Variants in NGEF observed in about 807,000 individuals in gnomAD.
NGEF encodes neuronal guanine nucleotide exchange factor.
Under a neutral mutation model 80.9 loss-of-function variants are expected in NGEF, and 31 were observed. The observed-to-expected ratio is 0.38, with a 90% confidence interval of 0.29 to 0.52. The LOEUF (loss-of-function observed/expected upper bound fraction) is 0.52. NGEF is among the 20% of genes least tolerant of loss of function. The probability of loss-of-function intolerance (pLI) is 0.84; values close to 1 mark genes in which losing one functional copy is unlikely to be tolerated. For synonymous variants in NGEF, 371 were observed against 370.2 expected, an observed-to-expected ratio of 1.00 and a Z score of -0.03; for missense variants, 709 against 926.2, an observed-to-expected ratio of 0.77 and a Z score of 3.04.
intron 1 of NGEF, among the ~76,000 whole-genome samples, chr2:233,005,174 C>T (rs1020773102): frequency 6.6e-6 from 1 of 152,170 alleles, no homozygotes; most frequent in African/African-American, 2.4e-5. Context: ...CCCCAATGTG[C>T]CATTTCTGGG....
At chr2:232,970,353 A>G (rs768831987) in intron 2 of NGEF, 25 bp from the exon 3 acceptor site, 1 of 1,457,958 alleles carries the variant, frequency 6.9e-7, no homozygotes, top group Non-Finnish European at 9.5e-7. Context: ...AAATGGAGCA[A>G]GTTAGAAGAT....
intron 3 of NGEF, among the ~76,000 whole-genome samples, chr2:232,968,296 C>T (rs1574643332): frequency 6.6e-6 from 1 of 151,932 alleles, no homozygotes; most frequent in Non-Finnish European, 1.5e-5. Flanking sequence ...CTATGTTGGT[C>T]AGGCTGGTCT....
intron 4 of NGEF, among the ~76,000 whole-genome samples, chr2:232,924,159 C>A (rs1083519): frequency 1.4e-4 from 22 of 151,802 alleles, no homozygotes; most frequent in African/African-American, 5.3e-4. Context: ...ATCACTTGAA[C>A]CCGGGAGGAG....
At chr2:232,885,555 G>T (rs1691651129) in intron 9 of NGEF, 186 bp from the exon 10 acceptor site, 2 of 589,366 alleles carry the variant, frequency 3.4e-6, no homozygotes, top group Non-Finnish European at 6.1e-6. Context: ...TGGGGCAAAG[G>T]CAAGTGGGAA....
chr2:232,934,940 G>A (rs1290335916), intron 3 of NGEF, among the ~76,000 whole-genome samples: 1 of 151,718 alleles, frequency 6.6e-6, no homozygotes, highest in Non-Finnish European at 1.5e-5. Flanking sequence ...CCCAGGAGGT[G>A]AAGGTTGAAG....
chr2:232,965,439 T>G (rs777202915), intron 3 of NGEF, among the ~76,000 whole-genome samples: 2 of 151,978 alleles, frequency 1.3e-5, no homozygotes, highest in Non-Finnish European at 2.9e-5. Flanking sequence ...GACACAGAGA[T>G]GTGGGCAAGA....
chr2:232,961,140 C>T (rs1344705124), intron 3 of NGEF, among the ~76,000 whole-genome samples: 1 of 152,190 alleles, frequency 6.6e-6, no homozygotes, highest in East Asian at 1.9e-4. Context: ...CCCACATCAG[C>T]ACCATCCCAC....
chr2:232,916,537 A>G (rs1692806674), intron 5 of NGEF, among the ~76,000 whole-genome samples: 1 of 152,276 alleles, frequency 6.6e-6, no homozygotes, highest in South Asian at 2.1e-4. Flanking sequence ...AGAACCCAAC[A>G]GAAAAGGGGG....
intron 1 of NGEF, among the ~76,000 whole-genome samples, chr2:232,977,898 A>G (rs1694328875): frequency 6.6e-6 from 1 of 152,120 alleles, no homozygotes; most frequent in Non-Finnish European, 1.5e-5. Context: ...TGGTTTTGAG[A>G]GCAGCGGACA....
Position 232,974,715 on chromosome 2 carries a change from A to G in NGEF, c.176T>C (p.Ile59Thr), listed in dbSNP as rs1453683468. The stretch of plus-strand genomic sequence containing the variant: ...GCGATTGAAGATGGAATTTCTCTTA[A>G]TTGGGATGTGGCAATGAGGCTCTTT... ...QDKEPHCHIP[I>T]KRNSIFNRSI... is the part of the protein sequence containing the mutation. Residue 59 changes from isoleucine (I) to threonine (T), a missense_variant, in exon 2 of 15, where the codon ATT becomes ACT. This residue lies in a region of NGEF where 283 missense variants were observed against 303.4 expected (regional missense o/e 0.93). Transcript: ENST00000264051. 3 of 1,614,084 alleles carry G rather than the reference A, an allele frequency of 1.9e-6. No homozygotes were observed. In the African/African-American group the frequency reaches 4.0e-5, roughly 22 times the overall value.
Position 232,974,960 on chromosome 2 carries a change from G to C in NGEF, c.-70C>G, listed in dbSNP as rs1158530716. 5.6e-5 allele frequency: 85 copies of C among 1,507,928 alleles called. No individual in the cohort carries two copies. The highest frequency in any genetic ancestry group is 6.9e-5 in the Non-Finnish European group (77 of 1,111,492). 93.4% of individuals were successfully genotyped at this position (1,507,928 alleles called of 1,614,324 possible). On this transcript the variant is annotated 5_prime_UTR_variant, in exon 2 of 15. Transcript: ENST00000264051. ...TGACTTTCCCAAGCTTCACTGGTTT[G>C]AGTGCTTTAGAATAGATAGAAAACA...
chr2:232,967,470 G>A (rs888068634), intron 3 of NGEF, among the ~76,000 whole-genome samples: 41 of 151,480 alleles, frequency 2.7e-4, no homozygotes, highest in African/African-American at 9.7e-4. Context: ...AAGTAGCTGG[G>A]ATTACAGGCA....
intron 1 of NGEF, among the ~76,000 whole-genome samples, chr2:232,986,278 C>T (rs960597213): frequency 3.9e-5 from 6 of 152,180 alleles, no homozygotes; most frequent in Non-Finnish European, 8.8e-5. Context: ...TAAATTGGAA[C>T]AGCTATTATG....
intron 1 of NGEF, among the ~76,000 whole-genome samples, chr2:232,991,430 A>C (rs1485761312): frequency 1.3e-5 from 2 of 152,124 alleles, no homozygotes; most frequent in Non-Finnish European, 2.9e-5. Flanking sequence ...TACACAAATT[A>C]ATTGTATTTT....
chr2:232,972,743 C>CGTTTTT (rs1378841965), intron 2 of NGEF, among the ~76,000 whole-genome samples: 1 of 135,768 alleles, frequency 7.4e-6, no homozygotes, highest in Non-Finnish European at 1.6e-5. Context: ...ATGTCCTTAT[C>CGTTTTT]CTTTTTTTTT....
intron 3 of NGEF, among the ~76,000 whole-genome samples, chr2:232,967,319 A>G (rs1442838966): frequency 6.6e-6 from 1 of 151,882 alleles, no homozygotes; most frequent in Non-Finnish European, 1.5e-5. Context: ...TGAGCCAATC[A>G]AACTTCTTTT....
chr2:233,006,228 C>T (rs576611212), intron 1 of NGEF, among the ~76,000 whole-genome samples: 11 of 152,294 alleles, frequency 7.2e-5, no homozygotes, highest in Admixed American at 5.9e-4. Context: ...TTATTGAGTT[C>T]CCCAAAACTC....
chr2:232,982,714 A>G (rs1694458924), intron 1 of NGEF, among the ~76,000 whole-genome samples: 1 of 152,122 alleles, frequency 6.6e-6, no homozygotes, highest in Non-Finnish European at 1.5e-5. Context: ...GTGTTTCACC[A>G]TGTTAGTCAG....
intron 3 of NGEF, among the ~76,000 whole-genome samples, chr2:232,957,110 G>T (rs1693847441): frequency 1.3e-5 from 2 of 151,596 alleles, no homozygotes; most frequent in South Asian, 4.2e-4. Flanking sequence ...AAGGTAAAAG[G>T]GCAAAGTAAG....
Sources: gnomAD v4.1 joint callset for allele counts (sites outside exome capture counted in the v4.1 genomes callset) on GRCh38, gnomAD v4.1.1 for gene constraint, gnomAD v4.1.1 regional missense constraint, MANE v1.5 for transcripts, NCBI Gene and HGNC (gene_info 2026-07-23, HGNC 2026-07-21) for gene names.